Variants in RARB observed in about 807,000 individuals in gnomAD.
The protein encoded by RARB is retinoic acid receptor beta.
RARB carries 17 observed loss-of-function variants against 51.9 expected under a neutral mutation model. That is an observed-to-expected ratio of 0.33 (90% CI 0.22 to 0.49). RARB has a LOEUF of 0.49. RARB is among the 20% of genes least tolerant of loss of function. RARB has a pLI of 0.99. For synonymous variants in RARB, 215 were observed against 195.4 expected, an observed-to-expected ratio of 1.10 and a Z score of -0.84; for missense variants, 369 against 550.8, an observed-to-expected ratio of 0.67 and a Z score of 3.30.
intron 2 of RARB, among the ~76,000 whole-genome samples, chr3:24,962,142 G>T (rs779750027): frequency 2.0e-5 from 3 of 151,652 alleles, no homozygotes; most frequent in Non-Finnish European, 4.4e-5. Flanking sequence ...TGTTAGCCAG[G>T]ATAGTCTCGA....
chr3:25,255,140 C>A (rs1702830141), intron 5 of RARB, among the ~76,000 whole-genome samples: 1 of 152,162 alleles, frequency 6.6e-6, no homozygotes, highest in Admixed American at 6.5e-5. Context: ...TAGGCATGAG[C>A]ATCAGATGAA....
intron 5 of RARB, among the ~76,000 whole-genome samples, chr3:25,419,957 T>G (rs1371057864): frequency 2.0e-5 from 3 of 151,724 alleles, no homozygotes; most frequent in African/African-American, 7.3e-5. Context: ...CCATGATATC[T>G]TCTCTAAGAG....
chr3:25,008,978 G>C (rs1247894942), intron 2 of RARB, among the ~76,000 whole-genome samples: 1 of 152,092 alleles, frequency 6.6e-6, no homozygotes, highest in Non-Finnish European at 1.5e-5. Context: ...TTCAAGATCT[G>C]AGTGCTTCAA....
intron 5 of RARB, among the ~76,000 whole-genome samples, chr3:25,187,947 A>C (rs1701014868): frequency 6.6e-6 from 1 of 152,150 alleles, no homozygotes; most frequent in African/African-American, 2.4e-5. Flanking sequence ...CTTCCTGGCT[A>C]ATAAGAGGTG....
At chr3:25,154,583 C>G (rs1050741830) in intron 4 of RARB, among the ~76,000 whole-genome samples, 10 of 152,200 alleles carry the variant, frequency 6.6e-5, no homozygotes, top group African/African-American at 2.4e-4. Context: ...CTCACAATGT[C>G]ATGTCCCTAC....
intron 4 of RARB, among the ~76,000 whole-genome samples, chr3:25,173,145 A>G (rs1454833962): frequency 1.3e-5 from 2 of 152,206 alleles, no homozygotes; most frequent in Non-Finnish European, 2.9e-5. Context: ...TATGAAGTTT[A>G]CAGCCAGCCC....
intron 1 of RARB, among the ~76,000 whole-genome samples, chr3:25,443,037 C>T (rs1366593454): frequency 1.3e-5 from 2 of 152,134 alleles, no homozygotes; most frequent in Non-Finnish European, 2.9e-5. Context: ...TGAGCTCTCC[C>T]CCGGGTGCCT....
intron 5 of RARB, among the ~76,000 whole-genome samples, chr3:25,384,517 G>A (rs1706736748): frequency 6.6e-6 from 1 of 152,146 alleles, no homozygotes; most frequent in Non-Finnish European, 1.5e-5. Flanking sequence ...GCATCCCTGG[G>A]GACAGGAGGG....
In RARB at chr3:25,468,824, G is replaced by A. The variant is rs1361787947; in HGVS notation, c.306+7483G>A. Among the ~76,000 whole-genome samples the A allele has an allele frequency of 3.3e-5, 5 of 152,348 alleles. No individual in the cohort carries two copies. The East Asian group carries it at 9.6e-4, about 29-fold the overall frequency. The stretch of plus-strand genomic sequence containing the variant: ...GAACCCACACATGGGCATGTTCCCA[G>A]ATGCAGCTTTGTCCTTGCTCTCTAC... On this transcript the variant is annotated intron_variant, in intron 2 of 7. Coordinates refer to ENST00000330688, the MANE Select transcript of RARB (RefSeq NM_000965.5).
At chr3:25,330,588 G>C (rs1241914557) in intron 5 of RARB, among the ~76,000 whole-genome samples, 2 of 152,104 alleles carry the variant, frequency 1.3e-5, no homozygotes, top group Non-Finnish European at 2.9e-5. Flanking sequence ...ATCAATTCTA[G>C]GAAGAAACTG....
At chr3:25,473,791 C>T (rs1232690699) in intron 2 of RARB, among the ~76,000 whole-genome samples, 1 of 151,922 alleles carries the variant, frequency 6.6e-6, no homozygotes, top group Non-Finnish European at 1.5e-5. Context: ...CCTCTCAGGG[C>T]TTCATGTAAT....
intron 5 of RARB, among the ~76,000 whole-genome samples, chr3:25,291,051 T>A (rs1407702998): frequency 6.6e-6 from 1 of 152,182 alleles, no homozygotes; most frequent in African/African-American, 2.4e-5. Flanking sequence ...ATCACTTATG[T>A]CATACTTGGG....
rs566503444 is a variant in RARB, at chr3:24,900,717, A to G, written c.-380+41965A>G. On this transcript the variant is annotated intron_variant, in intron 2 of 11. Transcript: ENST00000383772. ...GGGATGAGACAGCTGATGTAAATGC[A>G]TTTAGGCACAACTTTACTTCTTAGA... Among the ~76,000 whole-genome samples, 15 of 152,326 alleles carry G rather than the reference A, an allele frequency of 9.8e-5. No homozygotes were observed. In the South Asian group the frequency reaches 2.7e-3, roughly 27 times the overall value.
At chr3:25,411,864 T>A (rs1258119538) in intron 5 of RARB, among the ~76,000 whole-genome samples, 1 of 152,142 alleles carries the variant, frequency 6.6e-6, no homozygotes, top group Admixed American at 6.6e-5. Flanking sequence ...GGGACAACTT[T>A]GGGAGAGACA....
At chr3:25,319,757 G>A (rs1704517191) in intron 5 of RARB, among the ~76,000 whole-genome samples, 1 of 152,190 alleles carries the variant, frequency 6.6e-6, no homozygotes, top group African/African-American at 2.4e-5. Flanking sequence ...GAGTTAAGGA[G>A]TTTTGCCATC....
chr3:25,496,404 T>G (rs1222660662), intron 2 of RARB, among the ~76,000 whole-genome samples: 4 of 152,184 alleles, frequency 2.6e-5, no homozygotes, highest in Non-Finnish European at 5.9e-5. Context: ...GGAGGCCACC[T>G]TGAGTCCACC....
intron 4 of RARB, among the ~76,000 whole-genome samples, chr3:25,157,974 T>C (rs1453234976): frequency 6.6e-6 from 1 of 152,272 alleles, no homozygotes; most frequent in Non-Finnish European, 1.5e-5. Context: ...TTTGAATTAA[T>C]AACTTTTCCA....
At chr3:25,150,552 A>C (rs771542249) in intron 4 of RARB, among the ~76,000 whole-genome samples, 84 of 152,230 alleles carry the variant, frequency 5.5e-4, no homozygotes, top group Admixed American at 1.2e-3. Context: ...TCTGTGGTAA[A>C]CTATGGACAA....
chr3:25,352,106 G>A (rs1251336485), intron 5 of RARB, among the ~76,000 whole-genome samples: 1 of 152,158 alleles, frequency 6.6e-6, no homozygotes, highest in Non-Finnish European at 1.5e-5. Flanking sequence ...CGTTGAAGTG[G>A]CCCAGTTGAA....
Sources: gnomAD v4.1 joint callset for allele counts (sites outside exome capture counted in the v4.1 genomes callset) on GRCh38, gnomAD v4.1.1 for gene constraint, MANE v1.5 for transcripts, NCBI Gene and HGNC (gene_info 2026-07-23, HGNC 2026-07-21) for gene names.